Variants in ABI2 observed in about 807,000 individuals in gnomAD.
ABI2 encodes the protein abelson interactor 2.
Under a neutral mutation model 59.2 loss-of-function variants are expected in ABI2, and 25 were observed. The ratio of observed to expected loss-of-function variants is 0.42; its 90% CI spans 0.31 to 0.59. The LOEUF is 0.59. Among genes scored for constraint, ABI2 ranks in the 20% least tolerant of loss-of-function variants. The pLI, the probability that ABI2 is intolerant of heterozygous loss-of-function variation, is 0.14. For synonymous variants in ABI2, 213 were observed against 235.5 expected, an observed-to-expected ratio of 0.90 and a Z score of 0.87; for missense variants, 545 against 681.8, an observed-to-expected ratio of 0.80 and a Z score of 2.23.
chr2:203,382,107 T>C, intron 3 of ABI2, 82 bp from the exon 4 acceptor site: 1 of 1,213,226 alleles, frequency 8.2e-7, no homozygotes, highest in South Asian at 1.5e-5. Flanking sequence ...TTTTTTCCTT[T>C]CTCTTCACAT....
chr2:203,407,641 TTATATC>T (rs1379983554), intron 9 of ABI2, among the ~76,000 whole-genome samples: 4 of 152,226 alleles, frequency 2.6e-5, no homozygotes, highest in Admixed American at 1.3e-4. Context: ...CTTTTACTGT[TTATATC>T]TAAACATTCT....
intron 1 of ABI2, among the ~76,000 whole-genome samples, chr2:203,331,980 T>C (rs1354162554): frequency 2.0e-5 from 3 of 151,804 alleles, no homozygotes; most frequent in African/African-American, 7.3e-5. Flanking sequence ...CAGCTAATTT[T>C]TGTATTTTTG....
intron 2 of ABI2, among the ~76,000 whole-genome samples, chr2:203,370,146 A>AT (rs2094979766): frequency 6.7e-6 from 1 of 149,910 alleles, no homozygotes; most frequent in Non-Finnish European, 1.5e-5. Context: ...GTTGATAACT[A>AT]TTTTAGGTTT....
chr2:203,350,175 C>A (rs1479704397), intron 1 of ABI2, among the ~76,000 whole-genome samples: 2 of 152,214 alleles, frequency 1.3e-5, no homozygotes, highest in Non-Finnish European at 2.9e-5. Context: ...CTCCCGGATT[C>A]AAGCCATTCT....
At position 203,413,627 on chromosome 2, in the gene ABI2, T is replaced by A. The variant is rs1368338664; in HGVS notation, c.1279+2256T>A. Among the ~76,000 whole-genome samples the A allele has an allele frequency of 2.0e-5, 3 of 152,194 alleles. No individual in the cohort carries two copies. In the East Asian group the frequency reaches 5.8e-4, roughly 29 times the overall value. On this transcript the variant is annotated intron_variant, in intron 10 of 11. Coordinates refer to ENST00000261018, the MANE Select transcript of ABI2 (RefSeq NM_001375670.1). ...AAAAAATTGTGTATGAGGTGTGCTGTGACTAATTTTACAGACGTGGCAGGA... is the reference window on the plus strand; with the variant it reads ...AAAAAATTGTGTATGAGGTGTGCTGAGACTAATTTTACAGACGTGGCAGGA...
At position 203,410,320 on chromosome 2, in the gene ABI2, G is replaced by A. The variant is rs1362165966; in HGVS notation, c.1193-965G>A. Among the ~76,000 whole-genome samples, 2 of 152,146 alleles carry A rather than the reference G, an allele frequency of 1.3e-5. 1 individual carries two copies. The highest frequency in any genetic ancestry group is 3.8e-4 in the East Asian group (2 of 5,202). ...TTTTATTAGTCTTAACTGTATTTTG[G>A]AGCTAACAGAGGCATTTTCTCTTTA... On this transcript the variant is annotated intron_variant, in intron 9 of 11. Coordinates refer to ENST00000261018, the MANE Select transcript of ABI2 (RefSeq NM_001375670.1).
intron 2 of ABI2, among the ~76,000 whole-genome samples, chr2:203,370,738 T>C (rs2095093188): frequency 6.6e-6 from 1 of 152,058 alleles, no homozygotes; most frequent in South Asian, 2.1e-4. Flanking sequence ...TCCGAGAGTT[T>C]GTAGAGAAGA....
chr2:203,402,317 G>A (rs949237452), intron 8 of ABI2, among the ~76,000 whole-genome samples: 2 of 152,194 alleles, frequency 1.3e-5, no homozygotes, highest in East Asian at 1.9e-4. Context: ...TTACAGGCAT[G>A]AGTCACTGCA....
intron 1 of ABI2, among the ~76,000 whole-genome samples, chr2:203,342,733 C>T (rs557158269): frequency 9.6e-4 from 146 of 152,034 alleles, no homozygotes; most frequent in African/African-American, 2.8e-3. Context: ...TACAGGTGCT[C>T]GCCACCATGC....
intron 1 of ABI2, among the ~76,000 whole-genome samples, chr2:203,334,537 A>C (rs776935034): frequency 2.0e-5 from 3 of 152,138 alleles, no homozygotes; most frequent in Non-Finnish European, 4.4e-5. Flanking sequence ...CCCACCCCAA[A>C]TCCATTTTGC....
At chr2:203,354,820 C>T (rs2091034615) in intron 1 of ABI2, among the ~76,000 whole-genome samples, 2 of 152,246 alleles carry the variant, frequency 1.3e-5, no homozygotes, top group South Asian at 4.2e-4. Context: ...CCCTTTGCTC[C>T]AGAGGGATAT....
intron 2 of ABI2, among the ~76,000 whole-genome samples, chr2:203,370,186 T>TTCTC (rs71007509): frequency 0.019 from 2,582 of 136,662 alleles, 30 homozygotes; most frequent in African/African-American, 0.028. Flanking sequence ...CATTCTCCTA[T>TTCTC]TCTCTCTCTC....
At chr2:203,419,009 T>C (rs1227996986) in intron 11 of ABI2, among the ~76,000 whole-genome samples, 1 of 152,196 alleles carries the variant, frequency 6.6e-6, no homozygotes, top group Non-Finnish European at 1.5e-5. Context: ...CAAAAAGCTG[T>C]TAAGTCAGAG....
rs554618629 is a variant in ABI2, at chr2:203,427,609, A to G, written c.*257A>G. On this transcript the variant is annotated 3_prime_UTR_variant, in exon 12 of 12. Transcript: ENST00000261018. ...GACCATTTTTATGTATGTCAAAGGT[A>G]TAACAGCATAACTGTGTAGCCAAAA... is the stretch of plus-strand genomic sequence containing the variant. 14 of 333,598 alleles carry G rather than the reference A, an allele frequency of 4.2e-5. No homozygotes were observed. The South Asian group carries it at 6.8e-4, about 16-fold the overall frequency. The allele number at this position is 333,598 out of a possible 1,614,324, so 20.7% of individuals were successfully genotyped here.
intron 9 of ABI2, among the ~76,000 whole-genome samples, chr2:203,409,133 C>T (rs2469964): frequency 3.9e-5 from 6 of 152,174 alleles, no homozygotes; most frequent in East Asian, 1.9e-4. Flanking sequence ...CCACCGCGCC[C>T]GGCCCAACTA....
chr2:203,360,888 T>C (rs539224983), intron 1 of ABI2, among the ~76,000 whole-genome samples: 1 of 152,214 alleles, frequency 6.6e-6, no homozygotes, highest in Non-Finnish European at 1.5e-5. Flanking sequence ...GTTGCTAATA[T>C]CATTTATGAA....
intron 11 of ABI2, among the ~76,000 whole-genome samples, chr2:203,426,871 T>G (rs1170490878): frequency 6.6e-6 from 1 of 152,012 alleles, no homozygotes; most frequent in Non-Finnish European, 1.5e-5. Context: ...TCTAGGATTG[T>G]GTACCTCTTC....
rs1424064769 is a variant in ABI2 at position 203,392,714 on chromosome 2, G to GTTAA, written c.578+1571_578+1572insTTAA. Among the ~76,000 whole-genome samples, 104 of 152,192 alleles carry GTTAA rather than the reference G, an allele frequency of 6.8e-4. 1 individual carries two copies. Among genetic ancestry groups the GTTAA allele is most frequent in the Non-Finnish European group, 8.1e-4 (55 of 68,006 alleles). ...TGTGTAGTGCCTTATGGATTTTGTTGGGTTTTAAGTCAAGATTGTTAGTAA... is the reference window on the plus strand; with the variant it reads ...TGTGTAGTGCCTTATGGATTTTGTTGTTAAGGTTTTAAGTCAAGATTGTTAGTAA... On this transcript the variant is annotated intron_variant, in intron 5 of 11. Coordinates refer to ENST00000261018, the MANE Select transcript of ABI2 (RefSeq NM_001375670.1).
At chr2:203,349,185 G>A (rs2085938291) in intron 1 of ABI2, among the ~76,000 whole-genome samples, 2 of 151,674 alleles carry the variant, frequency 1.3e-5, no homozygotes, top group African/African-American at 2.4e-5. Context: ...CAAACAGTCT[G>A]CCTGCCTTGG....
Sources: allele counts gnomAD v4.1 joint callset (sites outside exome capture counted in the v4.1 genomes callset), GRCh38; gene constraint gnomAD v4.1.1; transcripts MANE v1.5; gene names NCBI Gene and HGNC (gene_info 2026-07-23, HGNC 2026-07-21).